The following PARN variants were observed in gnomAD, a reference collection of about 807,000 sequenced individuals.
The protein encoded by PARN is poly(A)-specific ribonuclease PARN.
In PARN, 71 loss-of-function variants were observed where a neutral mutation model predicts 102.8. The ratio of observed to expected loss-of-function variants is 0.69; its 90% confidence interval spans 0.57 to 0.84. The LOEUF (loss-of-function observed/expected upper bound fraction) is 0.84, where lower values mean the gene tolerates loss of function less well. PARN is among the 40% of genes least tolerant of loss of function. The pLI, the probability that PARN is intolerant of heterozygous loss-of-function variation, is 0.00. For missense variants in PARN, 782 were observed against 760.9 expected, an observed-to-expected ratio of 1.03 and a Z score of -0.33; for synonymous variants, 261 against 252.9, an observed-to-expected ratio of 1.03 and a Z score of -0.30.
At position 14,617,181 on chromosome 16, in the gene PARN, G is replaced by A. The variant is rs376563191; in HGVS notation, c.388+409C>T. Among the ~76,000 whole-genome samples the A allele has an allele frequency of 2.9e-4, 44 of 150,982 alleles. 1 individual carries two copies. The South Asian group carries it at 6.3e-3, about 22-fold the overall frequency. ...GGGCAGATCACGAGGTCAGGAGATC[G>A]AGACCATCCTGGCTAACACGGTGAA... On this transcript the variant is annotated intron_variant, in intron 6 of 23. Transcript: ENST00000437198.
In PARN at chr16:14,584,757, G is replaced by T; in HGVS notation, c.997C>A (p.Pro333Thr). Residue 333 changes from proline (P) to threonine (T), a missense_variant, in exon 15 of 24, where the codon CCT becomes ACT. Coordinates refer to ENST00000437198, the MANE Select transcript of PARN (RefSeq NM_002582.4). The part of the protein sequence containing the change: ...LDTKLMASTQ[P>T]FKDIINNTSL... ...TAGCAAATGAATAATACCTTAAAAG[G>T]TTGTGTGCTGGCCATCAATTTAGTA... The T allele has an allele frequency of 6.4e-7, 1 of 1,571,706 alleles. No individual in the cohort carries two copies. The highest frequency in any genetic ancestry group is 8.6e-7 in the Non-Finnish European group (1 of 1,163,494).
At chr16:14,569,861 T>C (rs1968679957) in intron 18 of PARN, among the ~76,000 whole-genome samples, 1 of 152,166 alleles carries the variant, frequency 6.6e-6, no homozygotes, top group Admixed American at 6.5e-5. Context: ...TATGGTTGTA[T>C]AATATTGTGA....
chr16:14,482,840 G>T lies in PARN; in HGVS notation c.1481-13C>A, dbSNP rs1555484387. The T allele has an allele frequency of 3.9e-6, 6 of 1,554,396 alleles. No individual in the cohort carries two copies. The highest frequency in any genetic ancestry group is 5.2e-6 in the Non-Finnish European group (6 of 1,150,704). On this transcript the variant is annotated splice_polypyrimidine_tract_variant and intron_variant, in intron 21 of 23. Coordinates refer to ENST00000437198, the MANE Select transcript of PARN (RefSeq NM_002582.4). ...CTGGTATTGACAGCTACAAGGAAAAGAAAAAAAAATAAAATGCTTACAAAA... is the reference window on the plus strand; with the variant it reads ...CTGGTATTGACAGCTACAAGGAAAATAAAAAAAAATAAAATGCTTACAAAA...
intron 18 of PARN, among the ~76,000 whole-genome samples, chr16:14,567,650 C>G (rs182130320): frequency 6.6e-6 from 1 of 152,304 alleles, no homozygotes; most frequent in Admixed American, 6.5e-5. Flanking sequence ...CCATGATCAC[C>G]ACTGCTATAA....
chr16:14,531,391 T>C (rs1319346013), intron 21 of PARN, among the ~76,000 whole-genome samples: 1 of 151,708 alleles, frequency 6.6e-6, no homozygotes, highest in South Asian at 2.1e-4. Context: ...ATCCATCTAA[T>C]AGGGTTTCCT....
At chr16:14,487,981 G>T (rs1291624906) in intron 21 of PARN, among the ~76,000 whole-genome samples, 2 of 152,152 alleles carry the variant, frequency 1.3e-5, no homozygotes, top group African/African-American at 2.4e-5. Flanking sequence ...TTCTAAAAAA[G>T]AATGGGAAGG....
chr16:14,501,456 A>AAAAAAAAAAAAAAAAAAAC (rs1567326878), intron 21 of PARN: 1 of 144,422 alleles, frequency 6.9e-6, no homozygotes, highest in Non-Finnish European at 1.5e-5. Flanking sequence ...AAAAAAAAAA[A>AAAAAAAAAAAAAAAAAAAC]AAAACAGAAA....
At chr16:14,450,549 T>C (rs1171364941) in intron 22 of PARN, among the ~76,000 whole-genome samples, 1 of 152,184 alleles carries the variant, frequency 6.6e-6, no homozygotes, top group Non-Finnish European at 1.5e-5. Flanking sequence ...TATATATACG[T>C]ATATTTATGC....
chr16:14,628,177 T>C lies in PARN; in HGVS notation c.172A>G (p.Lys58Glu). 1 of 1,581,020 alleles carries C rather than the reference T, an allele frequency of 6.3e-7. No individual in the cohort carries two copies. Among genetic ancestry groups the C allele is most frequent in the South Asian group, 1.1e-5 (1 of 89,686 alleles). ...DTPEERYQKL[K>E]KHSMDFLLFQ... ...TTCCTAGCACATCCACTTGCCTTTT[T>C]AAGCTTCTGATACCTCTCTTCTGGA... is the stretch of plus-strand genomic sequence containing the variant. Residue 58 changes from lysine (K) to glutamate (E), a missense_variant, in exon 3 of 24, where the codon AAA (lysine) becomes GAA (glutamate). Physicochemically the swap from Lys to Glu is moderately conservative, Grantham distance 56 (BLOSUM62 1). Coordinates refer to ENST00000437198, the MANE Select transcript of PARN (RefSeq NM_002582.4).
chr16:14,482,012 C>T (rs997386129), intron 22 of PARN, among the ~76,000 whole-genome samples: 3 of 152,130 alleles, frequency 2.0e-5, no homozygotes, highest in Non-Finnish European at 4.4e-5. Flanking sequence ...AGGGATCAGA[C>T]ACACACAAGT....
At chr16:14,495,408 G>A (rs1487386228) in intron 21 of PARN, among the ~76,000 whole-genome samples, 1 of 152,166 alleles carries the variant, frequency 6.6e-6, no homozygotes, top group Non-Finnish European at 1.5e-5. Context: ...GTTTGAGGCT[G>A]TAGTGAGCTA....
intron 21 of PARN, among the ~76,000 whole-genome samples, chr16:14,496,446 C>G (rs563748975): frequency 2.0e-5 from 3 of 152,018 alleles, no homozygotes; most frequent in Admixed American, 6.6e-5. Flanking sequence ...AAGAAGAAAC[C>G]CTTCTTTTTT....
intron 12 of PARN, among the ~76,000 whole-genome samples, chr16:14,594,031 C>T (rs989693129): frequency 6.6e-6 from 1 of 152,096 alleles, no homozygotes; most frequent in Middle Eastern, 3.4e-3. Flanking sequence ...AGCGTTGACT[C>T]CCTTAAACTG....
At chr16:14,555,338 C>T (rs191093323) in intron 19 of PARN, among the ~76,000 whole-genome samples, 1 of 152,250 alleles carries the variant, frequency 6.6e-6, no homozygotes, top group Admixed American at 6.5e-5. Flanking sequence ...TAACTGACAG[C>T]TAGCATATCT....
intron 21 of PARN, among the ~76,000 whole-genome samples, chr16:14,504,227 G>C (rs1964770471): frequency 6.6e-6 from 1 of 152,204 alleles, no homozygotes. Flanking sequence ...TAGGAGAATA[G>C]TTAAATAATT....
chr16:14,553,112 A>G lies in PARN; in HGVS notation c.1405+953T>C, dbSNP rs564609986. Among the ~76,000 whole-genome samples, 5 of 150,956 alleles carry G rather than the reference A, an allele frequency of 3.3e-5. No individual in the cohort carries two copies. In the East Asian group the frequency reaches 9.8e-4, roughly 29 times the overall value. On this transcript the variant is annotated intron_variant, in intron 20 of 23. Transcript: ENST00000437198. ...GTCTACTATTCTAAAATATCAATTT[A>G]AAAAAAAAGATAAGAAAAAAATAGA... is the stretch of plus-strand genomic sequence containing the variant.
intron 21 of PARN, among the ~76,000 whole-genome samples, chr16:14,549,601 T>G (rs1169075539): frequency 6.6e-6 from 1 of 152,232 alleles, no homozygotes; most frequent in African/African-American, 2.4e-5. Flanking sequence ...TCAGATATGG[T>G]GGTATAACAG....
chr16:14,555,686 T>C lies in PARN; in HGVS notation c.1286A>G (p.Asp429Gly). 6.7e-7 allele frequency: 1 copy of C among 1,489,174 alleles called. No individual in the cohort carries two copies. 92.2% of individuals were successfully genotyped at this position (1,489,174 alleles called of 1,614,324 possible). A position where few individuals can be genotyped will look rare whatever the true frequency, so the allele number is the denominator to read the frequency against. ...TCCTTCCAAGTTTAGATAGGGGATATCCATGACCCTCATAAGAAATAACCT... is the reference window on the plus strand; with the variant it reads ...TCCTTCCAAGTTTAGATAGGGGATACCCATGACCCTCATAAGAAATAACCT... ...FNKLFLMRVM[D>G]IPYLNLEGPD... The change falls in exon 19 of 24, where the codon GAT becomes GGT. Residue 429 changes from aspartate (D) to glycine (G), a missense_variant. By Grantham distance (94) the Asp-to-Gly change is moderately conservative. Transcript: ENST00000437198.
At chr16:14,531,205 C>A (rs767951393) in intron 21 of PARN, among the ~76,000 whole-genome samples, 1 of 152,030 alleles carries the variant, frequency 6.6e-6, no homozygotes, top group Non-Finnish European at 1.5e-5. Flanking sequence ...ATTAGCCAGG[C>A]GTTGTGGTTA....
Sources: allele counts gnomAD v4.1 joint callset (sites outside exome capture counted in the v4.1 genomes callset), GRCh38; gene constraint gnomAD v4.1.1; transcripts MANE v1.5; gene names NCBI Gene and HGNC (gene_info 2026-07-23, HGNC 2026-07-21).